ULK3: variants seen among roughly 807,000 people sequenced by gnomAD.
ULK3 encodes unc-51 like kinase 3.
ULK3 carries 54 observed loss-of-function variants against 69.4 expected under a neutral mutation model. The ratio of observed to expected loss-of-function variants is 0.78; its 90% confidence interval spans 0.63 to 0.98. ULK3 has a LOEUF of 0.98. ULK3 is among the 50% of genes least tolerant of loss of function. The pLI is 0.00. For missense variants in ULK3, 558 were observed against 627.7 expected (o/e 0.89, Z 1.19); for synonymous variants, 240 against 254.5 (o/e 0.94, Z 0.54).
chr15:74,841,641 T>A (rs543701308), intron 3 of ULK3, 132 bp from the exon 4 acceptor site: 1 of 739,168 alleles, frequency 1.4e-6, no homozygotes, highest in South Asian at 1.8e-5. Context: ...ATGTTTTCCA[T>A]ATAAGCACCA....
Position 74,841,468 on chromosome 15 carries a change from G to C in ULK3, c.406C>G (p.Leu136Val). 1 of 1,613,964 alleles carries C rather than the reference G, an allele frequency of 6.2e-7. No homozygotes were observed. The highest frequency in any genetic ancestry group is 8.5e-7 in the Non-Finnish European group (1 of 1,179,874). The change falls in exon 4 of 16, where the codon CTG becomes GTG. Residue 136 changes from leucine to valine, a missense_variant. By Grantham distance (32) the Leu-to-Val change is conservative. Transcript: ENST00000440863. The part of the protein sequence containing the change: ...QFLHERNISH[L>V]DLKPQNILLS... ...AGAATGTTCTGTGGCTTCAGATCCAGGTGAGAGATATTCCGTTCATGCAGG... is the reference window on the plus strand; with the variant it reads ...AGAATGTTCTGTGGCTTCAGATCCACGTGAGAGATATTCCGTTCATGCAGG...
chr15:74,837,945 C>G, intron 13 of ULK3, 147 bp from the exon 14 acceptor site: 1 of 1,181,302 alleles, frequency 8.5e-7, no homozygotes, highest in Non-Finnish European at 1.2e-6. Flanking sequence ...CTGCTCCTTC[C>G]TCCAGGAAGC....
chr15:74,838,555 T>C, intron 10 of ULK3, 51 bp from the exon 11 acceptor site: 1 of 1,567,468 alleles, frequency 6.4e-7, no homozygotes, highest in East Asian at 2.4e-5. Flanking sequence ...GCCTGTTCGC[T>C]GCAGGATGCC....
intron 13 of ULK3, 130 bp downstream of exon 13, chr15:74,838,022 T>A: frequency 1.4e-6 from 2 of 1,417,534 alleles, no homozygotes; most frequent in Non-Finnish European, 1.9e-6. Flanking sequence ...CCCAGCCCTA[T>A]GGTTTGACTT....
Position 74,842,780 on chromosome 15 carries a change from G to C in ULK3, c.102+224C>G. The C allele has an allele frequency of 3.4e-6, 5 of 1,477,782 alleles. No homozygotes were observed. Among genetic ancestry groups the C allele is most frequent in the Non-Finnish European group, 4.5e-6 (5 of 1,110,614 alleles). The allele number at this position is 1,477,782 out of a possible 1,614,324, so 91.5% of individuals were successfully genotyped here. A position where few individuals can be genotyped will look rare whatever the true frequency, so the allele number is the denominator to read the frequency against. On this transcript the variant is annotated intron_variant, in intron 1 of 15. Coordinates refer to ENST00000440863, the MANE Select transcript of ULK3 (RefSeq NM_001099436.4). This position sits in a 1 kb window ranked among gnomAD's most constrained non-coding sequence, Gnocchi z 4.9. ...CTCCTCCCAGCCCACCAGGTAACCTGTTTTGAGCCTGTTCTTCAGCCACTG... is the reference window on the plus strand; with the variant it reads ...CTCCTCCCAGCCCACCAGGTAACCTCTTTTGAGCCTGTTCTTCAGCCACTG...
rs746033951 is a variant in ULK3, at chr15:74,837,349, G to A, written c.1402+20C>T. The A allele has an allele frequency of 1.2e-5, 20 of 1,612,772 alleles. No homozygotes were observed. The highest frequency in any genetic ancestry group is 8.9e-5 in the East Asian group (4 of 44,860). ...CTCACCCCTCCTTGGATGGAGGATC[G>A]ACCCCAGGGCAGGACTCACAGCTAC... On this transcript the variant is annotated intron_variant, in intron 15 of 15. Transcript: ENST00000440863.
chr15:74,843,074 AGGCGCG>A lies in ULK3; in HGVS notation c.26_31del (p.Pro9_Arg10del). 1 of 1,426,052 alleles carries A rather than the reference AGGCGCG, an allele frequency of 7.0e-7. No homozygotes were observed. Among genetic ancestry groups the A allele is most frequent in the Non-Finnish European group, 9.3e-7 (1 of 1,080,042 alleles). The allele number at this position is 1,426,052 out of a possible 1,614,324, so 88.3% of individuals were successfully genotyped here. On this transcript the variant is annotated inframe_deletion, in exon 1 of 16. Coordinates refer to ENST00000440863, the MANE Select transcript of ULK3 (RefSeq NM_001099436.4). ...GCGCTCGGTGAGGATGAAGCCGTCC[AGGCGCG>A]GGGGACCCCAGCCGGGCCCCGCCAT...
At position 74,841,513 on chromosome 15, in the gene ULK3, A is replaced by C; in HGVS notation, c.365-4T>G. The stretch of plus-strand genomic sequence containing the variant: ...TGCAGGAATTGCAGGGCGCTAGCTG[A>C]GGAGCAGGACCCACGAAGAGAGACA... On this transcript the variant is annotated splice_region_variant and splice_polypyrimidine_tract_variant and intron_variant, in intron 3 of 15. Transcript: ENST00000440863. The C allele has an allele frequency of 6.2e-7, 1 of 1,613,554 alleles. No individual in the cohort carries two copies. Among genetic ancestry groups the C allele is most frequent in the Non-Finnish European group, 8.5e-7 (1 of 1,179,576 alleles).
Position 74,841,406 on chromosome 15 carries a change from T to C in ULK3, c.468A>G (p.Ala156=). ...ATCCCTGCTGTTTCAGACACAGACC[T>C]GCCAGTTTTAGGTGGGGCTTCTCCA... is the stretch of plus-strand genomic sequence containing the variant. The part of the protein sequence containing the change: ...SSLEKPHLKL[A]DFGFAQHMSP... The change falls in exon 4 of 16, where the codon GCA becomes GCG. Residue 156 remains alanine, a splice_region_variant and synonymous_variant. Coordinates refer to ENST00000440863, the MANE Select transcript of ULK3 (RefSeq NM_001099436.4). 5.6e-6 allele frequency: 9 copies of C among 1,613,418 alleles called. No homozygotes were observed. The highest frequency in any genetic ancestry group is 7.6e-6 in the Non-Finnish European group (9 of 1,179,464).
intron 4 of ULK3, 176 bp from the exon 5 acceptor site, chr15:74,840,817 A>C: frequency 1.2e-6 from 1 of 835,654 alleles, no homozygotes; most frequent in African/African-American, 1.7e-5. Flanking sequence ...CTGGGGTATA[A>C]AACCTACCCA....
At chr15:74,837,966 T>C in intron 13 of ULK3, 168 bp from the exon 14 acceptor site, 1 of 1,228,710 alleles carries the variant, frequency 8.1e-7, no homozygotes, top group South Asian at 1.5e-5. Context: ...CTTCCCAGAC[T>C]TTTTGCTGCT....
At chr15:74,840,141 A>C in intron 6 of ULK3, 93 bp downstream of exon 6, 1 of 1,427,144 alleles carries the variant, frequency 7.0e-7, no homozygotes, top group Non-Finnish European at 9.6e-7. Context: ...TGGAGCCCAT[A>C]CTCCAGTCTC....
At position 74,842,972 on chromosome 15, in the gene ULK3, G is replaced by A. The variant is rs756323182; in HGVS notation, c.102+32C>T. On this transcript the variant is annotated intron_variant, in intron 1 of 15. Coordinates refer to ENST00000440863, the MANE Select transcript of ULK3 (RefSeq NM_001099436.4). This position sits in a 1 kb window ranked among gnomAD's most constrained non-coding sequence, Gnocchi z 4.9. ...CGGCCGGCACCAGCCGAGCTAGCTCGGGCGGGCACGGGGCCATCGGCCGGC... is the reference window on the plus strand; with the variant it reads ...CGGCCGGCACCAGCCGAGCTAGCTCAGGCGGGCACGGGGCCATCGGCCGGC... The A allele has an allele frequency of 2.9e-5, 44 of 1,538,550 alleles. No homozygotes were observed. The highest frequency in any genetic ancestry group is 2.2e-4 in the Admixed American group (11 of 49,150).
At position 74,840,313 on chromosome 15, in the gene ULK3, G is replaced by A. The variant is rs1466334872; in HGVS notation, c.617C>T (p.Ala206Val). ...GGCAAAGGGGGGCTGCCCGAAGAGG[G>A]CTTCTGTGGAAGGGAGGCAGAGCGG... Reference protein sequence around the residue: ...LWSMGVILYEALFGQPPFASR... With the variant: ...LWSMGVILYEVLFGQPPFASR... The change falls in exon 6 of 16, where the codon GCC becomes GTC. Residue 206 changes from alanine (A) to valine (V), a missense_variant. Coordinates refer to ENST00000440863, the MANE Select transcript of ULK3 (RefSeq NM_001099436.4). 2 of 1,608,524 alleles carry A rather than the reference G, an allele frequency of 1.2e-6. No homozygotes were observed. The highest frequency in any genetic ancestry group is 1.7e-6 in the Non-Finnish European group (2 of 1,177,676).
In ULK3 at chr15:74,841,435, A is replaced by T; in HGVS notation, c.439T>A (p.Ser147Thr). The change falls in exon 4 of 16, where the codon TCC becomes ACC. Residue 147 changes from serine (S) to threonine (T), a missense_variant. Ser to Thr is a moderately conservative substitution (Grantham distance 58, BLOSUM62 1). Transcript: ENST00000440863. ...AGTTTTAGGTGGGGCTTCTCCAAGG[A>T]GCTCAGTAGAATGTTCTGTGGCTTC... ...DLKPQNILLS[S>T]LEKPHLKLAD... The T allele has an allele frequency of 1.2e-6, 2 of 1,613,864 alleles. No individual in the cohort carries two copies. Among genetic ancestry groups the T allele is most frequent in the Non-Finnish European group, 1.7e-6 (2 of 1,179,852 alleles).
In ULK3 at chr15:74,838,259, C is replaced by T. The variant is rs770918822; in HGVS notation, c.1246+7G>A. On this transcript the variant is annotated splice_region_variant and intron_variant, in intron 12 of 15. Coordinates refer to ENST00000440863, the MANE Select transcript of ULK3 (RefSeq NM_001099436.4). The stretch of plus-strand genomic sequence containing the variant: ...GCCCTGTGGGGGGCATAAATGGGGG[C>T]CCTCACCTGCCAGCAACAGCAGTAG... 4.4e-5 allele frequency: 68 copies of T among 1,560,834 alleles called. 1 individual carries two copies. The South Asian group carries it at 7.3e-4, about 17-fold the overall frequency.
intron 14 of ULK3, 52 bp from the exon 15 acceptor site, chr15:74,837,487 AGC>A (rs2064055953): frequency 1.1e-5 from 14 of 1,255,016 alleles, no homozygotes; most frequent in African/African-American, 4.0e-5. Context: ...CACGAGCCAC[AGC>A]GCAGTGCCGA....
rs528775378 is a variant in ULK3 at position 74,841,688 on chromosome 15, G to A, written c.365-179C>T. 2.2e-3 allele frequency among the ~76,000 whole-genome samples: 327 copies of A among 147,014 alleles called. 2 individuals carry two copies. The highest frequency in any genetic ancestry group is 0.01 in the Middle Eastern group (3 of 288). On this transcript the variant is annotated intron_variant, in intron 3 of 15. Coordinates refer to ENST00000440863, the MANE Select transcript of ULK3 (RefSeq NM_001099436.4). ...CTTCTAGGAGTTTGCCACCCCACCCGAGTGCCCACCCTCCTTCCCTCTGCC... is the reference window on the plus strand; with the variant it reads ...CTTCTAGGAGTTTGCCACCCCACCCAAGTGCCCACCCTCCTTCCCTCTGCC...
Position 74,842,192 on chromosome 15 carries a change from C to G in ULK3, c.247G>C (p.Asp83His). Residue 83 changes from aspartate to histidine, a missense_variant, in exon 3 of 16, where the codon GAC becomes CAC. Physicochemically the swap from Asp to His is moderately conservative, Grantham distance 81. Coordinates refer to ENST00000440863, the MANE Select transcript of ULK3 (RefSeq NM_001099436.4). The surrounding 1 kb of genome is among the most constrained non-coding windows in gnomAD (Gnocchi z 4.9). ...HIVQLKDFQWDSDNIYLIMEF... is the reference protein window; with the variant it reads ...HIVQLKDFQWHSDNIYLIMEF... ...ATGATGAGGTAGATATTGTCACTGT[C>G]CCACTGTGTTTAGAGGCAGAGAGGC... 1 of 1,614,010 alleles carries G rather than the reference C, an allele frequency of 6.2e-7. No individual in the cohort carries two copies. The highest frequency in any genetic ancestry group is 8.5e-7 in the Non-Finnish European group (1 of 1,179,900).
Sources: allele counts gnomAD v4.1 joint callset (sites outside exome capture counted in the v4.1 genomes callset), GRCh38; gene constraint gnomAD v4.1.1; non-coding constraint Gnocchi (gnomAD v3.1); transcripts MANE v1.5; gene names NCBI Gene and HGNC (gene_info 2026-07-23, HGNC 2026-07-21).